Variants in NIBAN1 observed in about 807,000 individuals in gnomAD.
NIBAN1 encodes niban apoptosis regulator 1.
A neutral mutation model predicts 75.1 loss-of-function variants in NIBAN1; 81 were observed. The ratio of observed to expected loss-of-function variants is 1.08; its 90% CI spans 0.90 to 1.30. NIBAN1 has a LOEUF of 1.30. NIBAN1 is among the 50% of genes most tolerant of loss of function. The pLI is 0.00. For missense variants in NIBAN1, 1,133 were observed against 1,128.1 expected (o/e 1.00, Z -0.06); for synonymous variants, 436 against 424.8 (o/e 1.03, Z -0.32).
intron 1 of NIBAN1, among the ~76,000 whole-genome samples, chr1:184,961,896 T>G (rs892950606): frequency 6.6e-6 from 1 of 152,240 alleles, no homozygotes; most frequent in East Asian, 1.9e-4. Flanking sequence ...TAATACTATT[T>G]ACTGCTGCAG....
rs1653822536 is a variant in NIBAN1 at position 184,795,422 on chromosome 1, T to C, written c.2342A>G (p.His781Arg). 2 of 1,607,268 alleles carry C rather than the reference T, an allele frequency of 1.2e-6. No individual in the cohort carries two copies. The highest frequency in any genetic ancestry group is 3.4e-5 in the Admixed American group (2 of 59,328). ...TGGAAATCCCCCCAACTCCTCCCCATGGGCCTCGGGACAGGGAGGTTGGGC... is the reference window on the plus strand; with the variant it reads ...TGGAAATCCCCCCAACTCCTCCCCACGGGCCTCGGGACAGGGAGGTTGGGC... ...REAQPPCPEA[H>R]GEELGGFPEV... The change falls in exon 14 of 14, where the codon CAT becomes CGT. Residue 781 changes from histidine to arginine, a missense_variant. Physicochemically the swap from His to Arg is conservative, Grantham distance 29. Coordinates refer to ENST00000367511, the MANE Select transcript of NIBAN1 (RefSeq NM_052966.4).
intron 6 of NIBAN1, among the ~76,000 whole-genome samples, chr1:184,829,346 T>C (rs1158021156): frequency 1.3e-5 from 2 of 152,128 alleles, no homozygotes; most frequent in Admixed American, 6.6e-5. Context: ...CTCACCATGA[T>C]GGCAAGGGAC....
chr1:184,839,879 G>A (rs1437094477), intron 5 of NIBAN1, among the ~76,000 whole-genome samples: 2 of 152,040 alleles, frequency 1.3e-5, no homozygotes, highest in Non-Finnish European at 2.9e-5. Context: ...TTATAGGTGT[G>A]AGCCACCGAG....
At chr1:184,906,675 G>A (rs1033560986) in intron 1 of NIBAN1, among the ~76,000 whole-genome samples, 1 of 152,048 alleles carries the variant, frequency 6.6e-6, no homozygotes, top group African/African-American at 2.4e-5. Flanking sequence ...ACTCTTACAA[G>A]TTAATTCTTT....
chr1:184,907,950 A>G (rs1326507021), intron 1 of NIBAN1, among the ~76,000 whole-genome samples: 1 of 152,232 alleles, frequency 6.6e-6, no homozygotes, highest in Non-Finnish European at 1.5e-5. Context: ...ATATTCATCC[A>G]CAAAGAGAAA....
At chr1:184,817,500 G>C (rs1255379451) in intron 9 of NIBAN1, among the ~76,000 whole-genome samples, 1 of 152,194 alleles carries the variant, frequency 6.6e-6, no homozygotes, top group Non-Finnish European at 1.5e-5. Flanking sequence ...CAGTGTAAAA[G>C]CATTCCTATT....
intron 9 of NIBAN1, among the ~76,000 whole-genome samples, chr1:184,815,062 C>T (rs1654489364): frequency 6.6e-6 from 1 of 152,074 alleles, no homozygotes. Flanking sequence ...TTCCATATTC[C>T]TGGGGAAAAA....
chr1:184,826,512 C>T (rs1304004009), intron 6 of NIBAN1, among the ~76,000 whole-genome samples: 1 of 152,112 alleles, frequency 6.6e-6, no homozygotes, highest in Non-Finnish European at 1.5e-5. Flanking sequence ...AACACATCTG[C>T]CGAAAGTGTG....
At chr1:184,871,441 G>A (rs2102288609) in intron 5 of NIBAN1, among the ~76,000 whole-genome samples, 1 of 151,394 alleles carries the variant, frequency 6.6e-6, no homozygotes, top group Non-Finnish European at 1.5e-5. Context: ...ATGGATCAGA[G>A]TGATGCTTAT....
At chr1:184,823,120 A>T (rs1307275259) in intron 8 of NIBAN1, 47 bp downstream of exon 8, 4 of 1,595,120 alleles carry the variant, frequency 2.5e-6, no homozygotes, top group Non-Finnish European at 3.4e-6. Context: ...GGATCCCTGC[A>T]TGTACAGCTT....
At position 184,793,345 on chromosome 1, in the gene NIBAN1, C is replaced by T. The variant is rs952440279; in HGVS notation, c.*1632G>A. 6.6e-6 allele frequency: 1 copy of T among 152,112 alleles called. No homozygotes were observed. Among genetic ancestry groups the T allele is most frequent in the African/African-American group, 2.4e-5 (1 of 41,422 alleles). The allele number at this position is 152,112 out of a possible 1,614,324, so 9.4% of individuals were successfully genotyped here. A position where few individuals can be genotyped will look rare whatever the true frequency, so the allele number is the denominator to read the frequency against. On this transcript the variant is annotated 3_prime_UTR_variant, in exon 14 of 14. Transcript: ENST00000367511. ...TCGAGGTGGGTGGATCGCTTGAAAT[C>T]AGGAGTTTGAGACCAGCCTGGCCAA...
intron 5 of NIBAN1, among the ~76,000 whole-genome samples, chr1:184,861,598 G>GAGGGAAGGAAGGAGGT (rs1655817427): frequency 6.8e-6 from 1 of 146,506 alleles, no homozygotes; most frequent in Non-Finnish European, 1.5e-5. Context: ...AGGAAGGAGG[G>GAGGGAAGGAAGGAGGT]AAGGAAGGAA....
At chr1:184,796,987 G>A (rs1007459119) in intron 13 of NIBAN1, among the ~76,000 whole-genome samples, 5 of 152,112 alleles carry the variant, frequency 3.3e-5, no homozygotes, top group African/African-American at 7.2e-5. Context: ...CATATTGCTG[G>A]TCTCACTGGA....
At chr1:184,965,953 G>C (rs910506859) in intron 1 of NIBAN1, among the ~76,000 whole-genome samples, 2 of 152,184 alleles carry the variant, frequency 1.3e-5, no homozygotes, top group African/African-American at 4.8e-5. Flanking sequence ...AACAGCTCAA[G>C]TCTTTCAACA....
rs1359858841 is a variant in NIBAN1, at chr1:184,899,313, G to C, written c.56-4C>G. 1 of 1,613,178 alleles carries C rather than the reference G, an allele frequency of 6.2e-7. No homozygotes were observed. Among genetic ancestry groups the C allele is most frequent in the African/African-American group, 1.3e-5 (1 of 74,822 alleles). On this transcript the variant is annotated splice_region_variant and splice_polypyrimidine_tract_variant and intron_variant, in intron 1 of 13. Coordinates refer to ENST00000367511, the MANE Select transcript of NIBAN1 (RefSeq NM_052966.4). ...TTGATGGCAGCCTCAGTTTTCCCTAGAAAAATATGAAAATTAGAATTCTTA... is the reference window on the plus strand; with the variant it reads ...TTGATGGCAGCCTCAGTTTTCCCTACAAAAATATGAAAATTAGAATTCTTA...
intron 1 of NIBAN1, among the ~76,000 whole-genome samples, chr1:184,927,101 CT>C (rs1215043301): frequency 6.6e-6 from 1 of 152,178 alleles, no homozygotes; most frequent in African/African-American, 2.4e-5. Flanking sequence ...CTCAAAACAG[CT>C]ATTTTTAATT....
At chr1:184,806,677 C>A (rs1654206810) in intron 10 of NIBAN1, among the ~76,000 whole-genome samples, 1 of 151,494 alleles carries the variant, frequency 6.6e-6, no homozygotes, top group African/African-American at 2.4e-5. Context: ...TAAAATGTAT[C>A]ACTTAATCCT....
intron 5 of NIBAN1, among the ~76,000 whole-genome samples, chr1:184,835,483 T>C (rs868248520): frequency 7.2e-4 from 110 of 152,360 alleles, no homozygotes; most frequent in African/African-American, 2.5e-3. Context: ...GAGCATGGAA[T>C]GTTCTTCCAT....
intron 5 of NIBAN1, among the ~76,000 whole-genome samples, chr1:184,883,930 G>A (rs1263077127): frequency 6.6e-6 from 1 of 152,104 alleles, no homozygotes; most frequent in Non-Finnish European, 1.5e-5. Context: ...ATGTCAAAAA[G>A]ACTAGCATTT....
Sources: allele counts gnomAD v4.1 joint callset (sites outside exome capture counted in the v4.1 genomes callset), GRCh38; gene constraint gnomAD v4.1.1; transcripts MANE v1.5; gene names NCBI Gene and HGNC (gene_info 2026-07-23, HGNC 2026-07-21).